Variants in SGCZ observed in about 807,000 individuals in gnomAD.
The protein encoded by SGCZ is sarcoglycan zeta.
In SGCZ, 40 loss-of-function variants were observed where a neutral mutation model predicts 41.3. The observed-to-expected ratio is 0.97, with a 90% CI of 0.75 to 1.26. SGCZ has a LOEUF of 1.26. SGCZ is among the 50% of genes most tolerant of loss of function. SGCZ has a pLI of 0.00. For synonymous variants in SGCZ, 206 were observed against 137.5 expected, an observed-to-expected ratio of 1.50 and a Z score of -3.49; for missense variants, 552 against 369.8, an observed-to-expected ratio of 1.49 and a Z score of -4.04.
At chr8:14,990,546 C>T (rs1390006521) in intron 1 of SGCZ, among the ~76,000 whole-genome samples, 1 of 151,944 alleles carries the variant, frequency 6.6e-6, no homozygotes, top group Non-Finnish European at 1.5e-5. Flanking sequence ...GTTGCATGCT[C>T]CTTATGAGAA....
At chr8:14,910,788 CA>C (rs1799260262) in intron 1 of SGCZ, among the ~76,000 whole-genome samples, 1 of 151,896 alleles carries the variant, frequency 6.6e-6, no homozygotes, top group Non-Finnish European at 1.5e-5. Flanking sequence ...CCTCATAATA[CA>C]TTTAAGAAAT....
intron 1 of SGCZ, among the ~76,000 whole-genome samples, chr8:14,556,609 T>G (rs1032139465): frequency 3.3e-5 from 5 of 151,996 alleles, no homozygotes; most frequent in African/African-American, 1.2e-4. Context: ...TCCCCCTGAG[T>G]GCCCAAAGTC....
chr8:14,890,003 G>C (rs1318642053), intron 1 of SGCZ, among the ~76,000 whole-genome samples: 1 of 152,054 alleles, frequency 6.6e-6, no homozygotes, highest in South Asian at 2.1e-4. Flanking sequence ...CAGATCACAA[G>C]GTCAGGAGTT....
chr8:14,677,690 G>T (rs1808319041), intron 1 of SGCZ, among the ~76,000 whole-genome samples: 1 of 152,152 alleles, frequency 6.6e-6, no homozygotes, highest in African/African-American at 2.4e-5. Context: ...AGAATCGCTT[G>T]AACCTGGGAG....
intron 1 of SGCZ, among the ~76,000 whole-genome samples, chr8:14,796,795 T>C (rs1446763026): frequency 1.3e-5 from 2 of 152,108 alleles, no homozygotes; most frequent in East Asian, 1.9e-4. Context: ...GTAGGGACCA[T>C]GTGGGAGGTA....
At chr8:14,552,945 C>G (rs973876864) in intron 2 of SGCZ, among the ~76,000 whole-genome samples, 2 of 151,750 alleles carry the variant, frequency 1.3e-5, no homozygotes, top group Non-Finnish European at 2.9e-5. Context: ...TGAAAGATGC[C>G]TTTGATAGAG....
intron 1 of SGCZ, among the ~76,000 whole-genome samples, chr8:14,659,864 T>C (rs11203650): frequency 6.6e-6 from 1 of 151,926 alleles, no homozygotes; most frequent in East Asian, 1.9e-4. Flanking sequence ...CATACAGGAG[T>C]ACCTATTACA....
At chr8:14,246,452 G>C (rs906834120) in intron 3 of SGCZ, among the ~76,000 whole-genome samples, 3 of 151,872 alleles carry the variant, frequency 2.0e-5, no homozygotes, top group Admixed American at 6.6e-5. Flanking sequence ...GTTGTGGGGT[G>C]GGGGGAGCGG....
intron 1 of SGCZ, among the ~76,000 whole-genome samples, chr8:14,868,860 A>C (rs555021607): frequency 9.9e-4 from 150 of 152,198 alleles, no homozygotes; most frequent in Non-Finnish European, 2.0e-3. Flanking sequence ...AAATTCCTGG[A>C]CACACACACC....
intron 2 of SGCZ, among the ~76,000 whole-genome samples, chr8:14,460,296 A>C (rs1800865158): frequency 6.6e-6 from 1 of 152,246 alleles, no homozygotes; most frequent in African/African-American, 2.4e-5. Context: ...CCAAGCTAAA[A>C]GAGTTATTCA....
rs137889837 is a variant in SGCZ at position 14,753,651 on chromosome 8, G to T, written c.40-198725C>A. 4.4e-3 allele frequency among the ~76,000 whole-genome samples: 672 copies of T among 152,270 alleles called. 1 individual carries two copies. Among genetic ancestry groups the T allele is most frequent in the East Asian group, 0.011 (55 of 5,180 alleles). ...AAATTACAGAATATCATATTGAGTTGCAGTCTTAGTTAGTGTAACATCAGA... is the reference window on the plus strand; with the variant it reads ...AAATTACAGAATATCATATTGAGTTTCAGTCTTAGTTAGTGTAACATCAGA... On this transcript the variant is annotated intron_variant, in intron 1 of 7. Transcript: ENST00000382080.
chr8:14,616,445 T>C (rs759700084), intron 1 of SGCZ, among the ~76,000 whole-genome samples: 2 of 152,168 alleles, frequency 1.3e-5, no homozygotes, highest in Non-Finnish European at 2.9e-5. Context: ...TTTTTGTATT[T>C]TTACTAGTAG....
intron 1 of SGCZ, among the ~76,000 whole-genome samples, chr8:14,566,453 C>A (rs1375654296): frequency 6.6e-6 from 1 of 152,174 alleles, no homozygotes. Context: ...ATTCTCTGCT[C>A]TCCACTGGCG....
intron 1 of SGCZ, among the ~76,000 whole-genome samples, chr8:15,015,766 T>C (rs1803008918): frequency 6.9e-6 from 1 of 144,744 alleles, no homozygotes; most frequent in Admixed American, 6.9e-5. Context: ...TGTGTGTGTG[T>C]GTGTAGTTTA....
chr8:14,790,448 T>C (rs374977106), intron 1 of SGCZ, among the ~76,000 whole-genome samples: 2 of 152,182 alleles, frequency 1.3e-5, no homozygotes, highest in East Asian at 3.9e-4. Context: ...TGGCAATATG[T>C]ATCAAACGCA....
rs371774344 is a variant in SGCZ, at chr8:14,088,116, T to C, written c.*2327A>G. The stretch of plus-strand genomic sequence containing the variant: ...TCCTCTTATGACATATAATTTAAAA[T>C]TTCATTTTTCTCTTTTGCCTTTTGT... On this transcript the variant is annotated 3_prime_UTR_variant, in exon 8 of 8. Coordinates refer to ENST00000382080, the MANE Select transcript of SGCZ (RefSeq NM_139167.4). 7.9e-5 allele frequency among the ~76,000 whole-genome samples: 12 copies of C among 151,878 alleles called. No individual in the cohort carries two copies. Among genetic ancestry groups the C allele is most frequent in the South Asian group, 2.1e-4 (1 of 4,826 alleles).
intron 5 of SGCZ, among the ~76,000 whole-genome samples, chr8:14,112,392 T>TAAAC (rs3068430): frequency 0.18 from 27,884 of 151,494 alleles, 3,557 homozygotes; most frequent in East Asian, 0.67. Flanking sequence ...TAACAGGACA[T>TAAAC]AAACAGCTAG....
At chr8:15,006,312 C>G (rs527893207) in intron 1 of SGCZ, among the ~76,000 whole-genome samples, 1 of 152,182 alleles carries the variant, frequency 6.6e-6, no homozygotes, top group African/African-American at 2.4e-5. Flanking sequence ...TAATTCAGAA[C>G]TGTGTCCCCA....
intron 4 of SGCZ, among the ~76,000 whole-genome samples, chr8:14,230,678 G>A (rs1461329527): frequency 1.3e-5 from 2 of 151,004 alleles, no homozygotes; most frequent in Non-Finnish European, 3.0e-5. Context: ...AATATTATTA[G>A]TGAAAATCTA....
Sources: allele counts gnomAD v4.1 joint callset (sites outside exome capture counted in the v4.1 genomes callset), GRCh38; gene constraint gnomAD v4.1.1; transcripts MANE v1.5; gene names NCBI Gene and HGNC (gene_info 2026-07-23, HGNC 2026-07-21).